AQP7: variants seen among roughly 807,000 people sequenced by gnomAD.
The protein encoded by AQP7 is aquaporin 7.
A neutral mutation model predicts 26.1 loss-of-function variants in AQP7; 22 were observed. That is an observed-to-expected ratio of 0.84 (90% CI 0.60 to 1.20). The LOEUF (loss-of-function observed/expected upper bound fraction) is 1.20. AQP7 is among the 50% of genes most tolerant of loss of function. The probability of loss-of-function intolerance (pLI) is 0.00; values close to 1 mark genes in which losing one functional copy is unlikely to be tolerated. For missense variants in AQP7, 412 were observed against 457.5 expected, an observed-to-expected ratio of 0.90 and a Z score of 0.91; for synonymous variants, 167 against 181.7, an observed-to-expected ratio of 0.92 and a Z score of 0.65.
intron 2 of AQP7, among the ~76,000 whole-genome samples, chr9:33,395,765 G>A (rs1388450421): frequency 1.3e-5 from 2 of 152,214 alleles, no homozygotes; most frequent in African/African-American, 4.8e-5. Flanking sequence ...AAATGCACCA[G>A]GCTGTGCAAC....
rs1478395001 is a variant in AQP7 at position 33,385,218 on chromosome 9, G to A, written c.816C>T (p.Tyr272=). 1 of 1,611,916 alleles carries A rather than the reference G, an allele frequency of 6.2e-7. No homozygotes were observed. Among genetic ancestry groups the A allele is most frequent in the African/African-American group, 1.3e-5 (1 of 74,960 alleles). ...LLGAYLGGII[Y]LVFIGSTIPR... ...GGATGGTGGAGCCAATGAAGACCAG[G>A]TAGATGATGCCACCTAGATAGGCAC... Residue 272 remains tyrosine (Y), a synonymous_variant, in exon 8 of 8, where the codon TAC becomes TAT. Transcript: ENST00000297988.
intron 6 of AQP7, 100 bp from the exon 7 acceptor site, chr9:33,385,966 G>C: frequency 6.4e-7 from 1 of 1,562,400 alleles, no homozygotes; most frequent in East Asian, 2.3e-5. Context: ...GACACGTCTC[G>C]GTACAGTCTC....
intron 2 of AQP7, among the ~76,000 whole-genome samples, chr9:33,396,610 T>C (rs1294672783): frequency 1.4e-5 from 2 of 147,774 alleles, no homozygotes; most frequent in Non-Finnish European, 3.0e-5. Context: ...TGCAGGCCTT[T>C]GCACATGCCA....
intron 3 of AQP7, among the ~76,000 whole-genome samples, chr9:33,393,054 C>T (rs531711306): frequency 6.6e-6 from 1 of 152,226 alleles, no homozygotes; most frequent in South Asian, 2.1e-4. Context: ...ATGGTGAAAC[C>T]CCATCTCTAC....
chr9:33,400,267 C>T lies in AQP7; in HGVS notation c.26+970G>A, dbSNP rs562402844. On this transcript the variant is annotated intron_variant, in intron 2 of 7. Transcript: ENST00000297988. ...GTATAAGCGAAGGTACCAGCTCCTA[C>T]GGAAAAAAACAGAGCAAGGAGAGGG... Among the ~76,000 whole-genome samples, 41 of 151,728 alleles carry T rather than the reference C, an allele frequency of 2.7e-4. No individual in the cohort carries two copies. The South Asian group carries it at 7.5e-3, about 28-fold the overall frequency.
At chr9:33,389,726 G>A (rs1189836485) in intron 3 of AQP7, among the ~76,000 whole-genome samples, 2 of 152,168 alleles carry the variant, frequency 1.3e-5, no homozygotes, top group Non-Finnish European at 2.9e-5. Flanking sequence ...AAGGCCCCAG[G>A]AGAGGGTACA....
intron 2 of AQP7, among the ~76,000 whole-genome samples, chr9:33,398,355 G>C (rs983032482): frequency 6.6e-6 from 1 of 151,794 alleles, no homozygotes; most frequent in Non-Finnish European, 1.5e-5. Flanking sequence ...CTACCAGAGG[G>C]CCATGGGCCA....
intron 3 of AQP7, among the ~76,000 whole-genome samples, chr9:33,389,433 C>G (rs2118800770): frequency 6.6e-6 from 1 of 152,274 alleles, no homozygotes; most frequent in African/African-American, 2.4e-5. Flanking sequence ...CCTCAGCCTC[C>G]CAGAGTGCTG....
chr9:33,390,835 G>A (rs1182900527), intron 3 of AQP7, among the ~76,000 whole-genome samples: 1 of 152,240 alleles, frequency 6.6e-6, no homozygotes, highest in Admixed American at 6.5e-5. Flanking sequence ...GCATAGGCTG[G>A]GCGCGGTGGC....
At chr9:33,395,859 G>A (rs1825809431) in intron 2 of AQP7, among the ~76,000 whole-genome samples, 1 of 152,188 alleles carries the variant, frequency 6.6e-6, no homozygotes, top group Non-Finnish European at 1.5e-5. Flanking sequence ...AGGAAGGACT[G>A]GATCTACTTC....
chr9:33,388,338 T>C (rs966147773), intron 3 of AQP7, among the ~76,000 whole-genome samples: 2 of 152,094 alleles, frequency 1.3e-5, no homozygotes, highest in Non-Finnish European at 2.9e-5. Flanking sequence ...CAGCATCCAA[T>C]CAGCTCTGCT....
chr9:33,398,132 C>G (rs904819440), intron 2 of AQP7, among the ~76,000 whole-genome samples: 1 of 151,534 alleles, frequency 6.6e-6, no homozygotes, highest in South Asian at 2.1e-4. Flanking sequence ...AAATTTAGGT[C>G]AAGAAAAGAA....
At chr9:33,385,380 A>G in intron 7 of AQP7, 90 bp from the exon 8 acceptor site, 1 of 1,438,230 alleles carries the variant, frequency 7.0e-7, no homozygotes, top group Non-Finnish European at 9.4e-7. Context: ...TGAGCAGAGG[A>G]GTCATCCCCA....
chr9:33,387,249 C>G (rs1361456104), intron 3 of AQP7, among the ~76,000 whole-genome samples, 157 bp from the exon 4 acceptor site: 3 of 152,084 alleles, frequency 2.0e-5, no homozygotes, highest in African/African-American at 2.4e-5. Context: ...AGAGCCTTCC[C>G]TCCTCACTGC....
At chr9:33,391,486 G>C (rs1223488850) in intron 3 of AQP7, 5 of 327,508 alleles carry the variant, frequency 1.5e-5, no homozygotes, top group Non-Finnish European at 2.0e-5. Flanking sequence ...GGCCCGGATG[G>C]CTCCAGCCCC....
chr9:33,398,411 G>C (rs1332176325), intron 2 of AQP7, among the ~76,000 whole-genome samples: 1 of 152,048 alleles, frequency 6.6e-6, no homozygotes, highest in Non-Finnish European at 1.5e-5. Flanking sequence ...TGGAGGCCAG[G>C]ATGGAGGAAG....
intron 7 of AQP7, 179 bp downstream of exon 7, chr9:33,385,470 A>G: frequency 1.0e-6 from 1 of 983,174 alleles, no homozygotes; most frequent in Non-Finnish European, 1.5e-6. Context: ...CACTCAGTGC[A>G]GGTGCAGGAT....
chr9:33,387,352 A>G (rs146969770), intron 3 of AQP7, among the ~76,000 whole-genome samples: 2 of 152,106 alleles, frequency 1.3e-5, no homozygotes, highest in African/African-American at 4.8e-5. Flanking sequence ...ACAAACATCC[A>G]AGCACCTCAG....
rs940505390 is a variant in AQP7, at chr9:33,384,079, A to G, written c.*926T>C. 6.6e-6 allele frequency: 1 copy of G among 152,258 alleles called. No homozygotes were observed. Among genetic ancestry groups the G allele is most frequent in the African/African-American group, 2.4e-5 (1 of 41,442 alleles). 9.4% of individuals were successfully genotyped at this position (152,258 alleles called of 1,614,324 possible). ...TGAGCAAGGACAGGAACCATGGGTG[A>G]TGCTGCCTTCTGAGCCCCAGGCAAC... On this transcript the variant is annotated 3_prime_UTR_variant, in exon 8 of 8. Transcript: ENST00000297988.
Sources: allele counts gnomAD v4.1 joint callset (sites outside exome capture counted in the v4.1 genomes callset), GRCh38; gene constraint gnomAD v4.1.1; transcripts MANE v1.5; gene names NCBI Gene and HGNC (gene_info 2026-07-23, HGNC 2026-07-21).